Variants in TRAF3IP1 observed in about 807,000 individuals in gnomAD.
TRAF3IP1 encodes the protein TRAF3-interacting protein 1.
TRAF3IP1 carries 53 observed loss-of-function variants against 89.9 expected under a neutral mutation model. That is an observed-to-expected ratio of 0.59 (90% CI 0.47 to 0.74). The LOEUF (loss-of-function observed/expected upper bound fraction) is 0.74. Ranked by LOEUF, TRAF3IP1 falls within the 30% of genes least tolerant of loss-of-function variation. The pLI is 0.00. For missense variants in TRAF3IP1, 806 were observed against 866.1 expected (o/e 0.93, Z 0.87); for synonymous variants, 311 against 322.1 (o/e 0.97, Z 0.37).
chr2:238,336,812 C>T (rs1396591378), intron 7 of TRAF3IP1, among the ~76,000 whole-genome samples: 1 of 152,096 alleles, frequency 6.6e-6, no homozygotes, highest in East Asian at 1.9e-4. Flanking sequence ...CATAACTTTT[C>T]CTACTGTAAA....
At chr2:238,338,197 G>A (rs965981875) in intron 7 of TRAF3IP1, among the ~76,000 whole-genome samples, 165 bp from the exon 8 acceptor site, 2 of 152,186 alleles carry the variant, frequency 1.3e-5, no homozygotes, top group African/African-American at 4.8e-5. Flanking sequence ...TTCTTGTCAA[G>A]CTCTAAGGAG....
chr2:238,328,611 T>G, intron 3 of TRAF3IP1, 75 bp from the exon 4 acceptor site: 1 of 1,507,030 alleles, frequency 6.6e-7, no homozygotes, highest in Non-Finnish European at 9.0e-7. Flanking sequence ...TATCTTTGAA[T>G]GGCGATGTTC....
At chr2:238,327,455 T>C (rs1431214659) in intron 3 of TRAF3IP1, among the ~76,000 whole-genome samples, 1 of 152,160 alleles carries the variant, frequency 6.6e-6, no homozygotes, top group African/African-American at 2.4e-5. Context: ...AGTGCGTGAG[T>C]CAGTGGGACT....
At chr2:238,378,801 C>G (rs191268040) in intron 15 of TRAF3IP1, among the ~76,000 whole-genome samples, 8 of 152,312 alleles carry the variant, frequency 5.3e-5, no homozygotes, top group East Asian at 1.9e-4. Context: ...CGGGACCCCC[C>G]CCCAGGCCCC....
chr2:238,347,761 G>A (rs1039212814), intron 10 of TRAF3IP1, among the ~76,000 whole-genome samples: 2 of 152,066 alleles, frequency 1.3e-5, no homozygotes, highest in Non-Finnish European at 2.9e-5. Context: ...CTGAGTAGCT[G>A]GGATTACAGG....
chr2:238,394,787 A>G (rs890624812), intron 15 of TRAF3IP1, among the ~76,000 whole-genome samples: 1 of 152,226 alleles, frequency 6.6e-6, no homozygotes, highest in Non-Finnish European at 1.5e-5. Flanking sequence ...TAGGATCTTC[A>G]TACATAAATC....
At chr2:238,361,401 A>T (rs4663881) in intron 15 of TRAF3IP1, among the ~76,000 whole-genome samples, 119,756 of 152,076 alleles carry the variant, frequency 0.79, 47,778 homozygotes, top group African/African-American at 0.91. Context: ...TCTTTTTGTT[A>T]TGGCCAAGAG....
In TRAF3IP1 at chr2:238,359,001, C is replaced by T. The variant is rs998820393; in HGVS notation, c.1689+2921C>T. Among the ~76,000 whole-genome samples, 10 of 152,248 alleles carry T rather than the reference C, an allele frequency of 6.6e-5. No individual in the cohort carries two copies. In the East Asian group the frequency reaches 9.6e-4, roughly 15 times the overall value. On this transcript the variant is annotated intron_variant, in intron 15 of 16. Transcript: ENST00000373327. The stretch of plus-strand genomic sequence containing the variant: ...GTCTCTTGCAACTATTGAATTCTGC[C>T]GATGTGGCATGAATGCAGCCGCAGC...
At chr2:238,363,294 A>T (rs1433919390) in intron 15 of TRAF3IP1, among the ~76,000 whole-genome samples, 1 of 152,088 alleles carries the variant, frequency 6.6e-6, no homozygotes, top group Non-Finnish European at 1.5e-5. Context: ...TTAAACCTAC[A>T]TATATTTCCG....
intron 15 of TRAF3IP1, among the ~76,000 whole-genome samples, chr2:238,356,577 C>T (rs1699419043): frequency 2.0e-5 from 3 of 152,114 alleles, no homozygotes; most frequent in Non-Finnish European, 2.9e-5. Context: ...GGGCTACTTC[C>T]CTGGCCTGGT....
chr2:238,332,245 TC>T (rs1698160767), intron 5 of TRAF3IP1, among the ~76,000 whole-genome samples: 1 of 152,246 alleles, frequency 6.6e-6, no homozygotes, highest in African/African-American at 2.4e-5. Flanking sequence ...ATCATTCTAC[TC>T]CTTCTACTCT....
At chr2:238,366,016 C>T (rs1441438397) in intron 15 of TRAF3IP1, among the ~76,000 whole-genome samples, 2 of 152,098 alleles carry the variant, frequency 1.3e-5, no homozygotes, top group Non-Finnish European at 2.9e-5. Flanking sequence ...GAGGCCGAGG[C>T]GGGCAGATCA....
At chr2:238,364,723 C>CT (rs1256621754) in intron 15 of TRAF3IP1, among the ~76,000 whole-genome samples, 1 of 151,736 alleles carries the variant, frequency 6.6e-6, no homozygotes, top group Non-Finnish European at 1.5e-5. Context: ...TGGAGTACTT[C>CT]TTTTTGTAGA....
chr2:238,323,843 G>A (rs1210430883), intron 1 of TRAF3IP1, among the ~76,000 whole-genome samples: 1 of 152,160 alleles, frequency 6.6e-6, no homozygotes, highest in Admixed American at 6.5e-5. Flanking sequence ...CCCTGGCTGG[G>A]TGTGGTGGTT....
chr2:238,393,393 G>A (rs1701075329), intron 15 of TRAF3IP1, among the ~76,000 whole-genome samples: 1 of 152,170 alleles, frequency 6.6e-6, no homozygotes, highest in Admixed American at 6.5e-5. Context: ...CTTTCTTGCT[G>A]TTGTGTTTTA....
chr2:238,348,174 G>A (rs1321126744), intron 10 of TRAF3IP1, among the ~76,000 whole-genome samples: 2 of 150,446 alleles, frequency 1.3e-5, no homozygotes, highest in African/African-American at 2.4e-5. Flanking sequence ...AACATAATAT[G>A]GTATACCAAT....
chr2:238,324,128 C>A (rs1193945232), intron 1 of TRAF3IP1, among the ~76,000 whole-genome samples: 2 of 151,972 alleles, frequency 1.3e-5, no homozygotes, highest in African/African-American at 4.8e-5. Flanking sequence ...AGTCCTGTGG[C>A]ATGATTCTGA....
intron 15 of TRAF3IP1, among the ~76,000 whole-genome samples, chr2:238,377,237 T>C (rs1052278426): frequency 1.5e-5 from 2 of 135,148 alleles, no homozygotes; most frequent in Non-Finnish European, 1.6e-5. Flanking sequence ...TTTCTTTTTT[T>C]TTTTTTTTTT....
chr2:238,326,595 G>A (rs560159885), intron 3 of TRAF3IP1, among the ~76,000 whole-genome samples: 8 of 152,280 alleles, frequency 5.3e-5, no homozygotes, highest in Admixed American at 2.6e-4. Context: ...CCTGGGCCAT[G>A]TTTGCCCAAA....
Sources: allele counts gnomAD v4.1 joint callset (sites outside exome capture counted in the v4.1 genomes callset), GRCh38; gene constraint gnomAD v4.1.1; transcripts MANE v1.5; gene names NCBI Gene and HGNC (gene_info 2026-07-23, HGNC 2026-07-21).